Variants in CDK5RAP2 observed in about 807,000 individuals in gnomAD.
CDK5RAP2 encodes the protein CDK5 regulatory subunit associated protein 2.
In CDK5RAP2, 147 loss-of-function variants were observed where a neutral mutation model predicts 232.9. The observed-to-expected ratio is 0.63, with a 90% CI of 0.55 to 0.72. The LOEUF (loss-of-function observed/expected upper bound fraction) is 0.72. Among genes scored for constraint, CDK5RAP2 ranks in the 30% least tolerant of loss-of-function variants. CDK5RAP2 has a pLI of 0.00. For missense variants in CDK5RAP2, 2,195 were observed against 2,231.5 expected, an observed-to-expected ratio of 0.98 and a Z score of 0.33; for synonymous variants, 833 against 833.7, an observed-to-expected ratio of 1.00 and a Z score of 0.01.
At chr9:120,507,800 T>TC (rs1367603652) in intron 12 of CDK5RAP2, among the ~76,000 whole-genome samples, 1 of 150,726 alleles carries the variant, frequency 6.6e-6, no homozygotes, top group African/African-American at 2.4e-5. Context: ...GGCCTCAATT[T>TC]CTACACTAAT....
intron 27 of CDK5RAP2, among the ~76,000 whole-genome samples, chr9:120,415,683 A>G (rs2034168595): frequency 6.6e-6 from 1 of 152,258 alleles, no homozygotes; most frequent in Admixed American, 6.5e-5. Context: ...ATCTCAACAG[A>G]ACATCTTATT....
chr9:120,491,863 G>A (rs2038926470), intron 12 of CDK5RAP2, among the ~76,000 whole-genome samples: 1 of 152,128 alleles, frequency 6.6e-6, no homozygotes, highest in Non-Finnish European at 1.5e-5. Flanking sequence ...TTTTCTAAAT[G>A]TTAATACAAA....
At chr9:120,438,654 T>C (rs1403839765) in intron 24 of CDK5RAP2, among the ~76,000 whole-genome samples, 1 of 152,164 alleles carries the variant, frequency 6.6e-6, no homozygotes, top group Non-Finnish European at 1.5e-5. Flanking sequence ...TCAGGTGATT[T>C]TGAGGATTAG....
chr9:120,550,756 G>T, intron 4 of CDK5RAP2, 36 bp downstream of exon 4: 1 of 1,130,016 alleles, frequency 8.8e-7, no homozygotes, highest in South Asian at 1.2e-5. Context: ...AATGAGAAAG[G>T]ACACAAGGGA....
rs185895736 is a variant in CDK5RAP2, at chr9:120,525,093, T to G, written c.1000-15A>C. ...AGTTCTTCAACCTGGGGAAAAATAA[T>G]GAATACCAGCCAAGTATGTAACTGG... is the stretch of plus-strand genomic sequence containing the variant. On this transcript the variant is annotated splice_polypyrimidine_tract_variant and intron_variant, in intron 10 of 37. Coordinates refer to ENST00000349780, the MANE Select transcript of CDK5RAP2 (RefSeq NM_018249.6). 6.3e-7 allele frequency: 1 copy of G among 1,599,316 alleles called. No individual in the cohort carries two copies. Among genetic ancestry groups the G allele is most frequent in the Non-Finnish European group, 8.6e-7 (1 of 1,166,712 alleles).
chr9:120,492,205 A>G (rs1394001773), intron 12 of CDK5RAP2, among the ~76,000 whole-genome samples: 1 of 152,186 alleles, frequency 6.6e-6, no homozygotes, highest in Middle Eastern at 3.2e-3. Flanking sequence ...CCAAATGTCC[A>G]CCAACAGAGG....
chr9:120,507,514 G>T (rs1176006282), intron 12 of CDK5RAP2, among the ~76,000 whole-genome samples: 1 of 152,046 alleles, frequency 6.6e-6, no homozygotes, highest in East Asian at 1.9e-4. Flanking sequence ...ACCCAAACCT[G>T]GTTGGATATC....
chr9:120,573,820 T>C (rs1438421932), intron 1 of CDK5RAP2, among the ~76,000 whole-genome samples: 3 of 152,208 alleles, frequency 2.0e-5, no homozygotes, highest in African/African-American at 7.2e-5. Context: ...TAAACATCAC[T>C]AAAAGGACAA....
At chr9:120,518,904 C>T (rs1227099278) in intron 11 of CDK5RAP2, among the ~76,000 whole-genome samples, 1 of 152,144 alleles carries the variant, frequency 6.6e-6, no homozygotes, top group Non-Finnish European at 1.5e-5. Flanking sequence ...CAGCTGGGCA[C>T]AGTGGCTCAC....
chr9:120,540,150 G>A (rs1046131323), intron 5 of CDK5RAP2, among the ~76,000 whole-genome samples: 8 of 152,114 alleles, frequency 5.3e-5, no homozygotes, highest in Admixed American at 2.0e-4. Context: ...GGAACGGCAC[G>A]CCCAAATCAG....
chr9:120,564,322 G>C (rs562637716), intron 3 of CDK5RAP2, among the ~76,000 whole-genome samples: 1 of 151,744 alleles, frequency 6.6e-6, no homozygotes, highest in South Asian at 2.1e-4. Flanking sequence ...AACCCCACCT[G>C]TACTAAAAAT....
intron 25 of CDK5RAP2, among the ~76,000 whole-genome samples, chr9:120,428,626 A>T (rs2131417687): frequency 6.6e-6 from 1 of 152,346 alleles, no homozygotes; most frequent in South Asian, 2.1e-4. Context: ...TAGCTTACCA[A>T]CCAAAAAGAG....
intron 3 of CDK5RAP2, among the ~76,000 whole-genome samples, chr9:120,557,434 G>C (rs975057474): frequency 1.3e-5 from 2 of 152,064 alleles, no homozygotes; most frequent in Admixed American, 1.3e-4. Context: ...ATAGCCAATG[G>C]TTGGCAGAAT....
chr9:120,451,263 G>A (rs2036465001), intron 21 of CDK5RAP2, among the ~76,000 whole-genome samples: 1 of 152,184 alleles, frequency 6.6e-6, no homozygotes, highest in South Asian at 2.1e-4. Context: ...GGGAATGGAA[G>A]GGAAACAGGA....
chr9:120,478,512 C>A (rs1468999125), intron 14 of CDK5RAP2, among the ~76,000 whole-genome samples: 1 of 152,194 alleles, frequency 6.6e-6, no homozygotes, highest in Non-Finnish European at 1.5e-5. Flanking sequence ...CGGCTCACAC[C>A]TATAATCCCA....
intron 10 of CDK5RAP2, 68 bp from the exon 11 acceptor site, chr9:120,525,146 T>C: frequency 8.7e-7 from 1 of 1,144,606 alleles, no homozygotes; most frequent in Non-Finnish European, 1.3e-6. Flanking sequence ...GCCCACATGC[T>C]TTTCCTGCTC....
chr9:120,465,784 A>C (rs2037346138), intron 18 of CDK5RAP2, among the ~76,000 whole-genome samples: 1 of 152,148 alleles, frequency 6.6e-6, no homozygotes. Flanking sequence ...ATGGCAAATC[A>C]CTAGAAATAA....
intron 3 of CDK5RAP2, among the ~76,000 whole-genome samples, chr9:120,562,916 G>T (rs2042513541): frequency 6.6e-6 from 1 of 152,194 alleles, no homozygotes; most frequent in East Asian, 1.9e-4. Flanking sequence ...TTCCATACAA[G>T]GTTACACATT....
At chr9:120,440,629 T>C (rs911872065) in intron 23 of CDK5RAP2, among the ~76,000 whole-genome samples, 4 of 152,234 alleles carry the variant, frequency 2.6e-5, no homozygotes, top group African/African-American at 9.7e-5. Flanking sequence ...GTAAAAATTT[T>C]AAGTGGCTTA....
Sources: allele counts gnomAD v4.1 joint callset (sites outside exome capture counted in the v4.1 genomes callset), GRCh38; gene constraint gnomAD v4.1.1; transcripts MANE v1.5; gene names NCBI Gene and HGNC (gene_info 2026-07-23, HGNC 2026-07-21).